KCNQ5: variants seen among roughly 807,000 people sequenced by gnomAD.
KCNQ5 encodes the protein potassium voltage-gated channel subfamily Q member 5, also known as potassium voltage-gated channel subfamily KQT member 5.
KCNQ5 carries 30 observed loss-of-function variants against 98.2 expected under a neutral mutation model. The observed-to-expected ratio is 0.31, with a 90% CI of 0.23 to 0.41. The LOEUF (loss-of-function observed/expected upper bound fraction) is 0.41, where lower values mean the gene tolerates loss of function less well. Ranked by LOEUF, KCNQ5 falls within the 10% of genes least tolerant of loss-of-function variation. The pLI, the probability that KCNQ5 is intolerant of heterozygous loss-of-function variation, is 1.00. For missense variants in KCNQ5, 835 were observed against 1,182.5 expected (o/e 0.71, Z 4.31); for synonymous variants, 458 against 449.4 (o/e 1.02, Z -0.24).
chr6:72,705,316 A>G (rs887809444), intron 1 of KCNQ5, among the ~76,000 whole-genome samples: 2 of 152,194 alleles, frequency 1.3e-5, no homozygotes, highest in African/African-American at 2.4e-5. Flanking sequence ...TAAAGCTAGA[A>G]TATGTCTTTG....
intron 1 of KCNQ5, among the ~76,000 whole-genome samples, chr6:72,751,007 G>A (rs1771651065): frequency 6.6e-6 from 1 of 151,844 alleles, no homozygotes; most frequent in Admixed American, 6.6e-5. Context: ...AGCTGGTACT[G>A]GGATGAAAAA....
At chr6:73,032,786 T>C (rs1325457043) in intron 2 of KCNQ5, among the ~76,000 whole-genome samples, 1 of 151,822 alleles carries the variant, frequency 6.6e-6, no homozygotes, top group East Asian at 1.9e-4. Context: ...AATAGAAACC[T>C]CAAACCAATT....
intron 1 of KCNQ5, among the ~76,000 whole-genome samples, chr6:72,797,157 G>A (rs935816184): frequency 3.3e-5 from 5 of 151,926 alleles, no homozygotes; most frequent in African/African-American, 4.8e-5. Context: ...CACTATTCCC[G>A]TTAGAACAGC....
intron 2 of KCNQ5, among the ~76,000 whole-genome samples, chr6:73,029,497 A>G (rs1350161511): frequency 2.3e-4 from 21 of 91,134 alleles, no homozygotes; most frequent in African/African-American, 4.9e-4. Context: ...TCCTCAACTC[A>G]GTTTTTTTTT....
rs73539715 is a variant in KCNQ5, at chr6:72,732,757, C to T, written c.398+110170C>T. Reference sequence around the variant, plus strand: ...GAATGGGTTGGAGGTCAGCAAGATTCAAAGAAAAGAGTACTAAAGAGGCAC... The same window carrying T: ...GAATGGGTTGGAGGTCAGCAAGATTTAAAGAAAAGAGTACTAAAGAGGCAC... On this transcript the variant is annotated intron_variant, in intron 1 of 13. Transcript: ENST00000370398. 6.5e-3 allele frequency among the ~76,000 whole-genome samples: 991 copies of T among 152,054 alleles called. 9 individuals are homozygous for T. Among genetic ancestry groups the T allele is most frequent in the African/African-American group, 0.019 (788 of 41,478 alleles).
intron 1 of KCNQ5, among the ~76,000 whole-genome samples, chr6:72,774,095 A>G (rs1180697804): frequency 6.6e-6 from 1 of 152,176 alleles, no homozygotes; most frequent in Non-Finnish European, 1.5e-5. Context: ...CTTTCATCAC[A>G]ACATACATGA....
chr6:72,935,350 C>G (rs2096184), intron 1 of KCNQ5, among the ~76,000 whole-genome samples: 1 of 152,106 alleles, frequency 6.6e-6, no homozygotes, highest in Non-Finnish European at 1.5e-5. Flanking sequence ...GGATTACAGG[C>G]GTGAGCCACC....
rs115107031 is a variant in KCNQ5, at chr6:72,645,344, C to T, written c.398+22757C>T. Among the ~76,000 whole-genome samples, 1,487 of 150,828 alleles carry T rather than the reference C, an allele frequency of 9.9e-3. 19 individuals carry two copies. Among genetic ancestry groups the T allele is most frequent in the African/African-American group, 0.034 (1,379 of 41,088 alleles). On this transcript the variant is annotated intron_variant, in intron 1 of 13. Coordinates refer to ENST00000370398, the MANE Select transcript of KCNQ5 (RefSeq NM_019842.4). Reference sequence around the variant, plus strand: ...GCAGCTGCAGTGAACAATGATGATGCCACTGCACTCCAGCCTGGGTGATAC... The same window carrying T: ...GCAGCTGCAGTGAACAATGATGATGTCACTGCACTCCAGCCTGGGTGATAC...
intron 1 of KCNQ5, among the ~76,000 whole-genome samples, chr6:72,917,045 T>C (rs1265951014): frequency 2.0e-5 from 3 of 152,194 alleles, no homozygotes; most frequent in African/African-American, 7.2e-5. Context: ...GGCATCAGCG[T>C]TCTTACACAT....
chr6:72,849,100 T>G (rs1468769985), intron 1 of KCNQ5, among the ~76,000 whole-genome samples: 1 of 147,096 alleles, frequency 6.8e-6, no homozygotes, highest in East Asian at 2.0e-4. Flanking sequence ...AATGGCTGAG[T>G]AGCGTATGTA....
intron 2 of KCNQ5, among the ~76,000 whole-genome samples, chr6:73,032,234 C>A (rs920303427): frequency 1.3e-5 from 2 of 152,198 alleles, no homozygotes; most frequent in African/African-American, 4.8e-5. Context: ...TAATTTTGAT[C>A]TCGGCTCACT....
At chr6:72,981,225 A>G (rs1262412931) in intron 1 of KCNQ5, among the ~76,000 whole-genome samples, 1 of 152,162 alleles carries the variant, frequency 6.6e-6, no homozygotes, top group African/African-American at 2.4e-5. Flanking sequence ...ATAGTTTCAG[A>G]AGAAATGGTA....
chr6:72,958,348 C>T (rs1373481794), intron 1 of KCNQ5, among the ~76,000 whole-genome samples: 1 of 152,174 alleles, frequency 6.6e-6, no homozygotes, highest in Non-Finnish European at 1.5e-5. Flanking sequence ...GGAAGCACAA[C>T]TTACTGTTGT....
chr6:72,642,349 C>G (rs1765363833), intron 1 of KCNQ5, among the ~76,000 whole-genome samples: 1 of 151,698 alleles, frequency 6.6e-6, no homozygotes, highest in African/African-American at 2.4e-5. Context: ...ATTTTAAGTT[C>G]TGGGGTACAT....
intron 1 of KCNQ5, among the ~76,000 whole-genome samples, chr6:72,874,138 A>G (rs904973260): frequency 6.6e-6 from 1 of 152,048 alleles, no homozygotes; most frequent in Non-Finnish European, 1.5e-5. Flanking sequence ...GCTAAATGAG[A>G]ATGCCCTTCT....
At chr6:72,933,907 G>A (rs559279376) in intron 1 of KCNQ5, among the ~76,000 whole-genome samples, 1 of 152,138 alleles carries the variant, frequency 6.6e-6, no homozygotes, top group African/African-American at 2.4e-5. Flanking sequence ...TTTCTTGAAA[G>A]AGGCTATACA....
chr6:72,976,292 AT>A (rs546802090), intron 1 of KCNQ5, among the ~76,000 whole-genome samples: 16 of 152,216 alleles, frequency 1.1e-4, no homozygotes, highest in Admixed American at 2.0e-4. Flanking sequence ...CGGAAAAATG[AT>A]TCCGGCCAGA....
intron 1 of KCNQ5, among the ~76,000 whole-genome samples, chr6:72,743,693 C>G (rs758070607): frequency 3.3e-5 from 5 of 152,188 alleles, no homozygotes; most frequent in Non-Finnish European, 7.4e-5. Flanking sequence ...TGGATTCAAC[C>G]TCTGGTTTGT....
intron 9 of KCNQ5, among the ~76,000 whole-genome samples, chr6:73,124,802 A>C (rs557468494): frequency 3.7e-4 from 56 of 151,854 alleles, no homozygotes; most frequent in Admixed American, 1.9e-3. Flanking sequence ...TTGTTTTCCC[A>C]GACAGAAGTC....
Sources: allele counts gnomAD v4.1 joint callset (sites outside exome capture counted in the v4.1 genomes callset), GRCh38; gene constraint gnomAD v4.1.1; transcripts MANE v1.5; gene names NCBI Gene and HGNC (gene_info 2026-07-23, HGNC 2026-07-21).